NOX4: variants seen among roughly 807,000 people sequenced by gnomAD.
NOX4 encodes the protein kidney oxidase-1.
NOX4 carries 69 observed loss-of-function variants against 87.6 expected under a neutral mutation model. That is an observed-to-expected ratio of 0.79 (90% CI 0.65 to 0.96). The LOEUF (loss-of-function observed/expected upper bound fraction) is 0.96, where lower values mean the gene tolerates loss of function less well. Ranked by LOEUF, NOX4 falls within the 40% of genes least tolerant of loss-of-function variation. NOX4 has a pLI of 0.00. For synonymous variants in NOX4, 275 were observed against 238.2 expected, an observed-to-expected ratio of 1.15 and a Z score of -1.42; for missense variants, 680 against 681.5, an observed-to-expected ratio of 1.00 and a Z score of 0.02.
the NOX4 span, among the ~76,000 whole-genome samples, chr11:89,563,927 C>T: frequency 6.6e-6 from 1 of 152,104 alleles, no homozygotes; most frequent in African/African-American, 2.4e-5. Flanking sequence ...CAAAAGCCTT[C>T]AATTTTCAGC....
the NOX4 span, among the ~76,000 whole-genome samples, chr11:89,516,741 A>T: frequency 6.6e-6 from 1 of 152,128 alleles, no homozygotes; most frequent in African/African-American, 2.4e-5. Context: ...AAATTCTTTC[A>T]ATGCCGGATT....
chr11:89,365,968 C>T (rs1200487405), intron 12 of NOX4, among the ~76,000 whole-genome samples: 1 of 152,082 alleles, frequency 6.6e-6, no homozygotes, highest in Admixed American at 6.6e-5. Context: ...CAAGCAAATA[C>T]ATAAAATGAT....
In NOX4 at chr11:89,491,206, AC is replaced by A; in HGVS notation, c.40del (p.Val14LeufsTer12). ...SWRSWLANEGVKHLCLFIWLS... is the reference protein window; with the variant it reads ...SWRSWLANEGXKHLCLFIWLS... ...CCATCCTACCAGGCAGAGGTGTTTAACCCCTTCGTTGGCGAGCCAGCTCCTC... is the reference window on the plus strand; with the variant it reads ...CCATCCTACCAGGCAGAGGTGTTTAACCCTTCGTTGGCGAGCCAGCTCCTC... On this transcript the variant is annotated frameshift_variant, in exon 1 of 18. Coordinates refer to ENST00000263317, the MANE Select transcript of NOX4 (RefSeq NM_016931.5). LOFTEE classifies it high-confidence loss of function. 1.2e-6 allele frequency: 2 copies of A among 1,612,878 alleles called. No individual in the cohort carries two copies. The highest frequency in any genetic ancestry group is 1.7e-6 in the Non-Finnish European group (2 of 1,179,586).
the NOX4 span, among the ~76,000 whole-genome samples, chr11:89,522,496 T>A: frequency 1.3e-5 from 2 of 152,028 alleles, no homozygotes; most frequent in African/African-American, 4.8e-5. Flanking sequence ...GAAACTGGGG[T>A]TTACTGGGAG....
rs992645117 is a variant in NOX4 at position 89,325,430 on chromosome 11, T to G, written c.*1326A>C. On this transcript the variant is annotated 3_prime_UTR_variant, in exon 18 of 18. Transcript: ENST00000263317. ...GCCATGAATGCCTTAATTCTTAAGATAGTAATGGGAAATATTGTTCTGAGC... is the reference window on the plus strand; with the variant it reads ...GCCATGAATGCCTTAATTCTTAAGAGAGTAATGGGAAATATTGTTCTGAGC... 6.6e-6 allele frequency: 1 copy of G among 152,104 alleles called. No homozygotes were observed. The highest frequency in any genetic ancestry group is 6.6e-5 in the Admixed American group (1 of 15,262). 9.4% of individuals were successfully genotyped at this position (152,104 alleles called of 1,614,324 possible). A position where few individuals can be genotyped will look rare whatever the true frequency, so the allele number is the denominator to read the frequency against.
chr11:89,408,575 CT>C (rs1252464099), intron 8 of NOX4, among the ~76,000 whole-genome samples: 8 of 152,190 alleles, frequency 5.3e-5, no homozygotes, highest in South Asian at 2.1e-4. Flanking sequence ...ACTCCCACCC[CT>C]ACTTTGTTTT....
intron 2 of NOX4, among the ~76,000 whole-genome samples, chr11:89,470,772 C>A (rs1945898442): frequency 6.6e-6 from 1 of 152,162 alleles, no homozygotes; most frequent in Non-Finnish European, 1.5e-5. Flanking sequence ...ACAGGCCTAA[C>A]TGATGATACC....
At position 89,399,625 on chromosome 11, in the gene NOX4, G is replaced by A; in HGVS notation, c.1074+392C>T. On this transcript the variant is annotated intron_variant, in intron 11 of 17. Coordinates refer to ENST00000263317, the MANE Select transcript of NOX4 (RefSeq NM_016931.5). Reference sequence around the variant, plus strand: ...ACTACAGATGTGTACCACCACATCTGGCTTTTTTTTTTTATTTACTGTAGA... The same window carrying A: ...ACTACAGATGTGTACCACCACATCTAGCTTTTTTTTTTTATTTACTGTAGA... 1.3e-5 allele frequency among the ~76,000 whole-genome samples: 2 copies of A among 149,494 alleles called. 1 individual carries two copies. The highest frequency in any genetic ancestry group is 3.0e-5 in the Non-Finnish European group (2 of 67,314).
intron 6 of NOX4, among the ~76,000 whole-genome samples, chr11:89,439,201 A>T (rs1944351918): frequency 6.6e-6 from 1 of 150,670 alleles, no homozygotes; most frequent in African/African-American, 2.4e-5. Flanking sequence ...AGAAAATAAT[A>T]TTAAACAAAG....
rs1360482182 is a variant in NOX4 at position 89,370,801 on chromosome 11, G to C, written c.1135+2631C>G. ...ATGAAAATCTAGACAACAAATATGAGACTTGGTGCTTCTTTGTCTTGTGCC... is the reference window on the plus strand; with the variant it reads ...ATGAAAATCTAGACAACAAATATGACACTTGGTGCTTCTTTGTCTTGTGCC... On this transcript the variant is annotated intron_variant, in intron 12 of 17. Coordinates refer to ENST00000263317, the MANE Select transcript of NOX4 (RefSeq NM_016931.5). 3.3e-5 allele frequency among the ~76,000 whole-genome samples: 5 copies of C among 151,972 alleles called. No individual in the cohort carries two copies. In the East Asian group the frequency reaches 7.7e-4, roughly 23 times the overall value.
chr11:89,458,306 T>C (rs190337335), intron 2 of NOX4, among the ~76,000 whole-genome samples: 125 of 152,192 alleles, frequency 8.2e-4, no homozygotes, highest in African/African-American at 2.9e-3. Context: ...ATATAAAAAT[T>C]AATTCAAGAT....
the NOX4 span, among the ~76,000 whole-genome samples, chr11:89,563,694 TG>T: frequency 6.6e-6 from 1 of 152,200 alleles, no homozygotes. Context: ...CTCCAAATTT[TG>T]AACATGTAAT....
chr11:89,494,872 A>G (rs1946931552), upstream of NOX4, among the ~76,000 whole-genome samples: 1 of 152,226 alleles, frequency 6.6e-6, no homozygotes, highest in Non-Finnish European at 1.5e-5. Context: ...TTATCGTCTC[A>G]CAGTTCTGAA....
At chr11:89,391,685 A>G (rs895687719) in intron 11 of NOX4, among the ~76,000 whole-genome samples, 1 of 149,462 alleles carries the variant, frequency 6.7e-6, no homozygotes, top group African/African-American at 2.5e-5. Context: ...AGTTGGAGTG[A>G]GCCATGATCA....
intron 7 of NOX4, among the ~76,000 whole-genome samples, chr11:89,430,660 C>G (rs1461902543): frequency 6.6e-6 from 1 of 152,128 alleles, no homozygotes; most frequent in African/African-American, 2.4e-5. Context: ...ATGTGAAGGA[C>G]TTCTTCAAGG....
the NOX4 span, among the ~76,000 whole-genome samples, chr11:89,524,132 C>A: frequency 2.0e-5 from 3 of 152,104 alleles, no homozygotes; most frequent in Non-Finnish European, 2.9e-5. Context: ...TAAGTAGATG[C>A]TGTTTATTCT....
intron 8 of NOX4, among the ~76,000 whole-genome samples, chr11:89,410,478 G>T (rs1264613808): frequency 1.3e-5 from 2 of 152,180 alleles, no homozygotes; most frequent in Non-Finnish European, 2.9e-5. Flanking sequence ...ATAAAGATGG[G>T]AAATAAACAC....
chr11:89,559,996 T>C, the NOX4 span, among the ~76,000 whole-genome samples: 1 of 152,126 alleles, frequency 6.6e-6, no homozygotes, highest in African/African-American at 2.4e-5. Context: ...CTGGCATCTA[T>C]GAATGCGACC....
intron 11 of NOX4, among the ~76,000 whole-genome samples, chr11:89,377,796 C>A (rs1482897384): frequency 2.6e-5 from 4 of 152,068 alleles, no homozygotes; most frequent in African/African-American, 9.7e-5. Flanking sequence ...ATATGATGTT[C>A]TTTAATCATT....
Sources: allele counts gnomAD v4.1 joint callset (sites outside exome capture counted in the v4.1 genomes callset), GRCh38; gene constraint gnomAD v4.1.1; transcripts MANE v1.5; gene names NCBI Gene and HGNC (gene_info 2026-07-23, HGNC 2026-07-21).